The following NEBL variants were observed in gnomAD, a reference collection of about 807,000 sequenced individuals.
The protein encoded by NEBL is LIM and SH3 protein 2.
NEBL carries 122 observed loss-of-function variants against 140.2 expected under a neutral mutation model. The ratio of observed to expected loss-of-function variants is 0.87; its 90% confidence interval spans 0.75 to 1.01. NEBL has a LOEUF of 1.01. Ranked by LOEUF, NEBL falls within the 50% of genes least tolerant of loss-of-function variation. The pLI, the probability that NEBL is intolerant of heterozygous loss-of-function variation, is 0.00. For synonymous variants in NEBL, 436 were observed against 398.9 expected (o/e 1.09, Z -1.11); for missense variants, 1,365 against 1,231.3 (o/e 1.11, Z -1.62).
At chr10:21,006,130 G>A (rs529171120) in intron 3 of NEBL, among the ~76,000 whole-genome samples, 11 of 152,198 alleles carry the variant, frequency 7.2e-5, no homozygotes, top group Admixed American at 5.2e-4. Flanking sequence ...TCCTTTAAAT[G>A]ATCGCATCAT....
intron 5 of NEBL, among the ~76,000 whole-genome samples, chr10:20,871,386 A>G (rs796879942): frequency 2.0e-5 from 3 of 152,310 alleles, no homozygotes; most frequent in African/African-American, 7.2e-5. Context: ...TAATATTCAT[A>G]TATCTTGTTA....
rs553622665 is a variant in NEBL at position 21,133,527 on chromosome 10, G to T, written c.164+38856C>A. The stretch of plus-strand genomic sequence containing the variant: ...TGAGTCAAGTTATTCTCTTTTCTGT[G>T]TATCAGATCCTCCCCATCTTAAACT... On this transcript the variant is annotated intron_variant, in intron 2 of 6. Transcript: ENST00000417816. Among the ~76,000 whole-genome samples, 11 of 152,240 alleles carry T rather than the reference G, an allele frequency of 7.2e-5. No individual in the cohort carries two copies. The East Asian group carries it at 2.1e-3, about 29-fold the overall frequency.
intron 1 of NEBL, among the ~76,000 whole-genome samples, chr10:21,266,289 A>G (rs138309580): frequency 0.013 from 1,989 of 151,976 alleles, 39 homozygotes; most frequent in African/African-American, 0.045. Flanking sequence ...CCACAGGTGC[A>G]CACCACCATG....
intron 2 of NEBL, among the ~76,000 whole-genome samples, chr10:21,108,089 T>G (rs1837805240): frequency 6.6e-6 from 1 of 151,804 alleles, no homozygotes; most frequent in African/African-American, 2.4e-5. Flanking sequence ...AGTGGTCTAT[T>G]TTGTTGATCT....
Position 21,214,613 on chromosome 10 carries a change from A to G in NEBL, n.348+33308T>C, listed in dbSNP as rs548727164. ...TACACACACATATACACATGCACACACATGCACACATATGCACATTACACA... is the reference window on the plus strand; with the variant it reads ...TACACACACATATACACATGCACACGCATGCACACATATGCACATTACACA... On this transcript the variant is annotated intron_variant and non_coding_transcript_variant, in intron 3 of 8. Coordinates refer to the NEBL transcript ENST00000675702. Among the ~76,000 whole-genome samples the G allele has an allele frequency of 8.6e-5, 13 of 152,000 alleles. No individual in the cohort carries two copies. In the East Asian group the frequency reaches 1.7e-3, roughly 20 times the overall value.
intron 11 of NEBL, among the ~76,000 whole-genome samples, chr10:20,848,480 A>G (rs1366121993): frequency 6.6e-6 from 1 of 152,192 alleles, no homozygotes; most frequent in Non-Finnish European, 1.5e-5. Flanking sequence ...TAGACCATGG[A>G]CCAATATCAA....
chr10:21,058,967 T>C (rs893703109), intron 2 of NEBL, among the ~76,000 whole-genome samples: 3 of 152,252 alleles, frequency 2.0e-5, no homozygotes, highest in Non-Finnish European at 4.4e-5. Flanking sequence ...GATCTGCCTA[T>C]ATATTGGGTG....
intron 2 of NEBL, among the ~76,000 whole-genome samples, chr10:21,076,444 CAAAAAAA>C (rs56013237): frequency 0.033 from 1,632 of 49,854 alleles, 12 homozygotes; most frequent in Middle Eastern, 0.12. Context: ...GACTCAGTTT[CAAAAAAA>C]AAAAAAAAAA....
At chr10:20,872,083 T>C (rs928119046) in intron 5 of NEBL, among the ~76,000 whole-genome samples, 1 of 152,190 alleles carries the variant, frequency 6.6e-6, no homozygotes, top group Admixed American at 6.5e-5. Flanking sequence ...AAACCCTTAC[T>C]TTTTGAAAAG....
intron 2 of NEBL, among the ~76,000 whole-genome samples, chr10:21,056,861 G>A (rs1432675378): frequency 1.3e-5 from 2 of 152,172 alleles, no homozygotes; most frequent in South Asian, 2.1e-4. Context: ...ATCCAGGAGG[G>A]AGGAGGTGTG....
intron 1 of NEBL, among the ~76,000 whole-genome samples, chr10:21,259,244 T>C (rs1305836840): frequency 1.3e-5 from 2 of 152,056 alleles, no homozygotes; most frequent in African/African-American, 4.8e-5. Context: ...TGTGCCACCA[T>C]GCCCAGCTAA....
At chr10:20,854,632 A>G (rs1376907855) in intron 9 of NEBL, among the ~76,000 whole-genome samples, 1 of 138,864 alleles carries the variant, frequency 7.2e-6, no homozygotes, top group African/African-American at 2.8e-5. Context: ...TGGAGGGATC[A>G]TGGCTCACTG....
chr10:21,284,358 G>A (rs1264953545), intron 1 of NEBL, among the ~76,000 whole-genome samples: 3 of 151,926 alleles, frequency 2.0e-5, no homozygotes, highest in Non-Finnish European at 4.4e-5. Context: ...GCCTAGGCCT[G>A]ATCACCGTCC....
In NEBL at chr10:20,812,755, C is replaced by T. The variant is rs551568597; in HGVS notation, c.2518+14G>A. ...TCGACCACACACACCGGCCGACAAA[C>T]GCCGTCAGCTTACCAACAATGATTC... On this transcript the variant is annotated intron_variant, in intron 24 of 27. Transcript: ENST00000377122. The T allele has an allele frequency of 3.5e-5, 56 of 1,613,726 alleles. No homozygotes were observed. The highest frequency in any genetic ancestry group is 3.3e-4 in the Middle Eastern group (2 of 6,038).
chr10:20,950,705 G>A (rs1835416189), intron 4 of NEBL, among the ~76,000 whole-genome samples: 1 of 152,114 alleles, frequency 6.6e-6, no homozygotes, highest in African/African-American at 2.4e-5. Context: ...AGATTCTGGA[G>A]GATTTAAACA....
chr10:21,182,210 A>C (rs2132206221), intron 3 of NEBL, among the ~76,000 whole-genome samples: 1 of 150,954 alleles, frequency 6.6e-6, no homozygotes, highest in Non-Finnish European at 1.5e-5. Flanking sequence ...GGTGGCTCAC[A>C]CCTGTAATCC....
At chr10:21,067,204 C>T (rs1017893556) in intron 2 of NEBL, among the ~76,000 whole-genome samples, 8 of 151,998 alleles carry the variant, frequency 5.3e-5, no homozygotes, top group Non-Finnish European at 8.8e-5. Flanking sequence ...ATCTCCTGAC[C>T]TTGTGATCCG....
chr10:20,913,420 T>C (rs543046007), intron 4 of NEBL, among the ~76,000 whole-genome samples: 7 of 152,352 alleles, frequency 4.6e-5, no homozygotes, highest in Admixed American at 4.6e-4. Context: ...CCAGACCACT[T>C]TAATGGAATG....
intron 3 of NEBL, among the ~76,000 whole-genome samples, chr10:20,979,812 T>G (rs757766761): frequency 2.0e-5 from 3 of 152,074 alleles, no homozygotes; most frequent in Non-Finnish European, 4.4e-5. Flanking sequence ...GCTCAAGCAA[T>G]CCTCCTACCT....
Sources: allele counts gnomAD v4.1 joint callset (sites outside exome capture counted in the v4.1 genomes callset), GRCh38; gene constraint gnomAD v4.1.1; transcripts MANE v1.5; gene names NCBI Gene and HGNC (gene_info 2026-07-23, HGNC 2026-07-21).